ATL2: variants seen among roughly 807,000 people sequenced by gnomAD.
ATL2 encodes atlastin GTPase 2.
In ATL2, 31 loss-of-function variants were observed where a neutral mutation model predicts 73.9. The ratio of observed to expected loss-of-function variants is 0.42; its 90% CI spans 0.32 to 0.57. ATL2 has a LOEUF of 0.57. Among genes scored for constraint, ATL2 ranks in the 20% least tolerant of loss-of-function variants. The probability of loss-of-function intolerance (pLI) is 0.14; values close to 1 mark genes in which losing one functional copy is unlikely to be tolerated. For missense variants in ATL2, 738 were observed against 702.6 expected, an observed-to-expected ratio of 1.05 and a Z score of -0.57; for synonymous variants, 291 against 237.5, an observed-to-expected ratio of 1.23 and a Z score of -2.07.
At chr2:38,299,899 A>G (rs1182710119) in intron 10 of ATL2, among the ~76,000 whole-genome samples, 1 of 152,252 alleles carries the variant, frequency 6.6e-6, no homozygotes, top group Non-Finnish European at 1.5e-5. Context: ...AATCATTAAC[A>G]CCAAATAAAA....
intron 2 of ATL2, among the ~76,000 whole-genome samples, chr2:38,342,738 G>C (rs1669795553): frequency 6.6e-6 from 1 of 152,156 alleles, no homozygotes; most frequent in Non-Finnish European, 1.5e-5. Context: ...GTACTTCAGA[G>C]ACTTCTAGGA....
At chr2:38,300,764 C>T (rs967464657) in intron 9 of ATL2, among the ~76,000 whole-genome samples, 5 of 152,108 alleles carry the variant, frequency 3.3e-5, no homozygotes, top group Admixed American at 1.3e-4. Context: ...GATCCTCCTG[C>T]CTCAGTTTTC....
chr2:38,328,763 A>G (rs1573495639), intron 2 of ATL2, among the ~76,000 whole-genome samples: 2 of 152,304 alleles, frequency 1.3e-5, no homozygotes, highest in African/African-American at 4.8e-5. Context: ...CTGCCATCTC[A>G]GGTAACTGGA....
intron 2 of ATL2, 62 bp from the exon 3 acceptor site, chr2:38,319,081 ATCACCCATTCTTTATTTTACAGATGGGG>A: frequency 6.5e-7 from 1 of 1,535,276 alleles, no homozygotes; most frequent in South Asian, 1.2e-5. Flanking sequence ...AAACCAAAAA[ATCACCCATTCTTTATTTTACAGATGGGG>A]AAGCTAAACC....
At chr2:38,357,695 T>C (rs919316132) in intron 1 of ATL2, among the ~76,000 whole-genome samples, 7 of 150,788 alleles carry the variant, frequency 4.6e-5, no homozygotes, top group Non-Finnish European at 8.9e-5. Context: ...CTTTTTTATA[T>C]TGGGGAGGAA....
chr2:38,299,196 T>C (rs912831214), intron 11 of ATL2, 60 bp downstream of exon 11: 2 of 1,407,426 alleles, frequency 1.4e-6, no homozygotes, highest in Non-Finnish European at 1.9e-6. Flanking sequence ...TTTTAATTTT[T>C]TTTTTTTTAA....
chr2:38,371,183 G>A (rs60139255), intron 1 of ATL2, among the ~76,000 whole-genome samples: 2 of 151,134 alleles, frequency 1.3e-5, no homozygotes, highest in African/African-American at 4.9e-5. Flanking sequence ...CATTTATAGG[G>A]TTTATCTCTT....
At chr2:38,361,682 CA>C (rs1176726917) in intron 1 of ATL2, among the ~76,000 whole-genome samples, 3 of 152,066 alleles carry the variant, frequency 2.0e-5, no homozygotes, top group Non-Finnish European at 4.4e-5. Flanking sequence ...CTTTCTCTGT[CA>C]TTTTTGTAAG....
intron 2 of ATL2, among the ~76,000 whole-genome samples, chr2:38,341,870 C>T (rs957818427): frequency 6.6e-6 from 1 of 152,134 alleles, no homozygotes; most frequent in Non-Finnish European, 1.5e-5. Context: ...CACCCAATTA[C>T]AAATGTCACA....
chr2:38,317,318 C>A (rs984976915), intron 4 of ATL2, among the ~76,000 whole-genome samples: 9 of 152,120 alleles, frequency 5.9e-5, no homozygotes, highest in Non-Finnish European at 1.3e-4. Context: ...TTCAATAATT[C>A]ATTTTTCAGA....
In ATL2 at chr2:38,294,596, A is replaced by C. The variant is rs529043469; in HGVS notation, c.*1398T>G. Among the ~76,000 whole-genome samples, 65 of 151,844 alleles carry C rather than the reference A, an allele frequency of 4.3e-4. No homozygotes were observed. The highest frequency in any genetic ancestry group is 8.4e-4 in the Non-Finnish European group (57 of 68,002). On this transcript the variant is annotated 3_prime_UTR_variant, in exon 13 of 13. Coordinates refer to ENST00000378954, the MANE Select transcript of ATL2 (RefSeq NM_001135673.4). Reference sequence around the variant, plus strand: ...GTACTTTAATCGGTGTTCACAAAGAAGACCACAAAAGTACTGAAAAAATGC... The same window carrying C: ...GTACTTTAATCGGTGTTCACAAAGACGACCACAAAAGTACTGAAAAAATGC...
intron 2 of ATL2, among the ~76,000 whole-genome samples, chr2:38,330,865 A>G (rs1370082485): frequency 6.6e-6 from 1 of 152,240 alleles, no homozygotes; most frequent in African/African-American, 2.4e-5. Context: ...GTAGAAACTG[A>G]GAAGCTAATT....
intron 1 of ATL2, among the ~76,000 whole-genome samples, chr2:38,362,888 C>T (rs538860392): frequency 2.6e-5 from 4 of 152,254 alleles, no homozygotes; most frequent in East Asian, 1.9e-4. Context: ...ACTTCTCCTA[C>T]AAGATGACAT....
At chr2:38,303,054 A>C (rs1667267451) in intron 9 of ATL2, among the ~76,000 whole-genome samples, 2 of 152,356 alleles carry the variant, frequency 1.3e-5, no homozygotes, top group Admixed American at 6.5e-5. Flanking sequence ...AGTTTTGAGG[A>C]AACTCAAAGA....
chr2:38,300,253 T>C lies in ATL2; in HGVS notation c.1128+19A>G. ...TAAATAAGTATATGTACAACACATA[T>C]CACTCTCTCTCTCTCTACCTGAAGC... On this transcript the variant is annotated intron_variant, in intron 10 of 12. Transcript: ENST00000378954. 1 of 1,566,660 alleles carries C rather than the reference T, an allele frequency of 6.4e-7. No individual in the cohort carries two copies. Among genetic ancestry groups the C allele is most frequent in the South Asian group, 1.1e-5 (1 of 89,838 alleles).
intron 1 of ATL2, among the ~76,000 whole-genome samples, chr2:38,349,116 G>A (rs1207480966): frequency 2.0e-5 from 3 of 151,704 alleles, no homozygotes; most frequent in African/African-American, 4.8e-5. Flanking sequence ...TCAGTGTGGC[G>A]ATTCCTCAGG....
At chr2:38,323,817 C>T (rs1251510976) in intron 2 of ATL2, among the ~76,000 whole-genome samples, 3 of 152,118 alleles carry the variant, frequency 2.0e-5, no homozygotes, top group African/African-American at 7.2e-5. Flanking sequence ...CTCAAGTGAT[C>T]AAAGGGTTGG....
rs553211283 is a variant in ATL2 at position 38,342,937 on chromosome 2, G to C, written c.363+331C>G. Among the ~76,000 whole-genome samples, 233 of 150,108 alleles carry C rather than the reference G, an allele frequency of 1.6e-3. 3 individuals are homozygous for C. Among genetic ancestry groups the C allele is most frequent in the African/African-American group, 5.5e-3 (225 of 40,846 alleles). ...TCTATAGAATTAAAAATGCAGTTCTGTCAGCCTGGACAACAAAGTGAGACC... is the reference window on the plus strand; with the variant it reads ...TCTATAGAATTAAAAATGCAGTTCTCTCAGCCTGGACAACAAAGTGAGACC... On this transcript the variant is annotated intron_variant, in intron 2 of 12. Coordinates refer to ENST00000378954, the MANE Select transcript of ATL2 (RefSeq NM_001135673.4).
chr2:38,298,249 C>T lies in ATL2; in HGVS notation c.1527G>A (p.Gly509=), dbSNP rs765179616. ...SIAVLCNLVM[G]LALIFLCTWA... Reference sequence around the variant, plus strand: ...AAGTACAAAGAAATATCAGTGCTAACCCCATGACAAGGTTACACAAGACAG... The same window carrying T: ...AAGTACAAAGAAATATCAGTGCTAATCCCATGACAAGGTTACACAAGACAG... Residue 509 remains glycine (G), a synonymous_variant, in exon 12 of 13, where the codon GGG becomes GGA. Transcript: ENST00000378954. 2.5e-6 allele frequency: 4 copies of T among 1,614,092 alleles called. No homozygotes were observed. The Admixed American group carries it at 5.0e-5, about 20-fold the overall frequency.
Sources: allele counts gnomAD v4.1 joint callset (sites outside exome capture counted in the v4.1 genomes callset), GRCh38; gene constraint gnomAD v4.1.1; transcripts MANE v1.5; gene names NCBI Gene and HGNC (gene_info 2026-07-23, HGNC 2026-07-21).